TMC5: variants seen among roughly 807,000 people sequenced by gnomAD.
The protein encoded by TMC5 is transmembrane channel like 5.
In TMC5, 86 loss-of-function variants were observed where a neutral mutation model predicts 110.5. That is an observed-to-expected ratio of 0.78 (90% CI 0.65 to 0.93). TMC5 has a LOEUF of 0.93. TMC5 is among the 40% of genes least tolerant of loss of function. TMC5 has a pLI of 0.00. For missense variants in TMC5, 1,144 were observed against 1,222.8 expected (o/e 0.94, Z 0.96); for synonymous variants, 455 against 439.5 (o/e 1.04, Z -0.44).
rs150117198 is a variant in TMC5, at chr16:19,424,334, C to G, written c.-307-6079C>G. Among the ~76,000 whole-genome samples, 35 of 152,294 alleles carry G rather than the reference C, an allele frequency of 2.3e-4. No individual in the cohort carries two copies. The East Asian group carries it at 5.6e-3, about 24-fold the overall frequency. ...ATATTATGGTAACCATATCATATTA[C>G]CCGTAAACCGTATCATATTATAAAG... On this transcript the variant is annotated intron_variant, in intron 1 of 21. Coordinates refer to ENST00000542583, the MANE Select transcript of TMC5 (RefSeq NM_001261841.2).
At chr16:19,437,181 T>C (rs1809591186) in intron 2 of TMC5, among the ~76,000 whole-genome samples, 1 of 151,992 alleles carries the variant, frequency 6.6e-6, no homozygotes, top group South Asian at 2.1e-4. Flanking sequence ...TCTCAAAAAA[T>C]AAAATAAAGT....
intron 14 of TMC5, 92 bp downstream of exon 14, chr16:19,479,620 C>T (rs2143688192): frequency 6.9e-6 from 6 of 870,312 alleles, no homozygotes; most frequent in South Asian, 3.0e-5. Flanking sequence ...GCCTGACATA[C>T]TCAAAGCGTG....
At chr16:19,429,069 G>A (rs1289238542) in intron 1 of TMC5, among the ~76,000 whole-genome samples, 1 of 152,056 alleles carries the variant, frequency 6.6e-6, no homozygotes, top group East Asian at 1.9e-4. Flanking sequence ...CAAGTGATCT[G>A]CCCATCTCAG....
At chr16:19,433,592 T>G (rs1967238668) in intron 2 of TMC5, among the ~76,000 whole-genome samples, 1 of 152,112 alleles carries the variant, frequency 6.6e-6, no homozygotes, top group African/African-American at 2.4e-5. Context: ...TGATAAATTA[T>G]TTTCAGAAAT....
In TMC5 at chr16:19,474,211, C is replaced by A; in HGVS notation, c.2025C>A (p.Tyr675Ter). The A allele has an allele frequency of 6.2e-7, 1 of 1,614,122 alleles. No individual in the cohort carries two copies. Among genetic ancestry groups the A allele is most frequent in the Non-Finnish European group, 8.5e-7 (1 of 1,180,022 alleles). ...SCINLAVPCI[Y>*]SMFRLVERYE... Reference sequence around the variant, plus strand: ...TTAATCTGGCCGTGCCATGCATCTACTCCATGTTCAGGCTTGTGGAGAGGT... The same window carrying A: ...TTAATCTGGCCGTGCCATGCATCTAATCCATGTTCAGGCTTGTGGAGAGGT... Residue 675 changes from tyrosine (Y) to a stop codon, truncating the protein, a stop_gained, in exon 12 of 22, where the codon TAC (tyrosine) becomes TAA (stop). Transcript: ENST00000542583. LOFTEE classifies it high-confidence loss of function.
upstream of TMC5, among the ~76,000 whole-genome samples, chr16:19,412,937 C>T (rs1455191252): frequency 2.6e-5 from 4 of 152,114 alleles, no homozygotes; most frequent in South Asian, 4.1e-4. Flanking sequence ...CTTAAAGTCA[C>T]GGCTCAAGCG....
In TMC5 at chr16:19,493,465, C is replaced by CTCTCTGTCT. The variant is rs71375644; in HGVS notation, c.2827-796_2827-795insCTCTGTCTT. 2.6e-3 allele frequency among the ~76,000 whole-genome samples: 194 copies of CTCTCTGTCT among 74,816 alleles called. 1 individual carries two copies. Among genetic ancestry groups the CTCTCTGTCT allele is most frequent in the East Asian group, 0.025 (90 of 3,588 alleles). The allele number at this position is 74,816 out of a possible 152,430, so 49.1% of individuals were successfully genotyped here. On this transcript the variant is annotated intron_variant, in intron 19 of 21. Coordinates refer to ENST00000542583, the MANE Select transcript of TMC5 (RefSeq NM_001261841.2). The stretch of plus-strand genomic sequence containing the variant: ...TTAATGTCTCTCTCTCTCTCTCTCT[C>CTCTCTGTCT]TTTTTTTTTTTTTGAGACAGAATCT...
At chr16:19,413,080 G>A (rs1264482381), upstream of TMC5, among the ~76,000 whole-genome samples, 1 of 151,938 alleles carries the variant, frequency 6.6e-6, no homozygotes, top group East Asian at 1.9e-4. Flanking sequence ...CTGGCCTCAA[G>A]CAATCATCCT....
At chr16:19,495,029 T>A (rs1366707092) in intron 20 of TMC5, among the ~76,000 whole-genome samples, 67 of 56,086 alleles carry the variant, frequency 1.2e-3, no homozygotes, top group South Asian at 2.9e-3. Context: ...TTTTTTTTTT[T>A]TTTGAGACGG....
chr16:19,420,386 C>G (rs1045557363), intron 1 of TMC5, among the ~76,000 whole-genome samples: 1 of 151,766 alleles, frequency 6.6e-6, no homozygotes, highest in Non-Finnish European at 1.5e-5. Flanking sequence ...TGAGATCATG[C>G]CACTGCACTC....
intron 1 of TMC5, among the ~76,000 whole-genome samples, chr16:19,429,205 T>G (rs1329081228): frequency 1.3e-5 from 2 of 152,150 alleles, no homozygotes; most frequent in Non-Finnish European, 2.9e-5. Context: ...ATAGGCCTCA[T>G]TTTCTTAGGC....
Position 19,434,392 on chromosome 16 carries a change from TATA to T in TMC5, c.-80+3756_-80+3758del, listed in dbSNP as rs1438818117. On this transcript the variant is annotated intron_variant, in intron 2 of 21. Coordinates refer to ENST00000542583, the MANE Select transcript of TMC5 (RefSeq NM_001261841.2). ...AATATAGATCTATATATAATATAGATATAATATATATATCATATATATCTATAT... is the reference window on the plus strand; with the variant it reads ...AATATAGATCTATATATAATATAGATATATATATATCATATATATCTATAT... Among the ~76,000 whole-genome samples the T allele has an allele frequency of 2.9e-3, 19 of 6,550 alleles. 2 individuals are homozygous for T. In the South Asian group the frequency reaches 0.15, roughly 51 times the overall value. The allele number at this position is 6,550 out of a possible 152,430, so 4.3% of individuals were successfully genotyped here. A position where few individuals can be genotyped will look rare whatever the true frequency, so the allele number is the denominator to read the frequency against.
intron 11 of TMC5, among the ~76,000 whole-genome samples, chr16:19,472,784 G>A (rs915611880): frequency 1.3e-5 from 2 of 152,190 alleles, no homozygotes; most frequent in Admixed American, 1.3e-4. Context: ...GGAGGGAGCC[G>A]CATTGGAACC....
At chr16:19,456,634 T>G in intron 5 of TMC5, 4 of 1,542,840 alleles carry the variant, frequency 2.6e-6, no homozygotes, top group Non-Finnish European at 3.5e-6. Context: ...TCCCAATCAA[T>G]GCGGGTGTGA....
Position 19,451,071 on chromosome 16 carries a change from C to T in TMC5, c.1048+1440C>T, listed in dbSNP as rs1220974896. Among the ~76,000 whole-genome samples, 4 of 152,268 alleles carry T rather than the reference C, an allele frequency of 2.6e-5. No individual in the cohort carries two copies. In the East Asian group the frequency reaches 7.7e-4, roughly 29 times the overall value. On this transcript the variant is annotated intron_variant, in intron 5 of 21. Transcript: ENST00000542583. ...ATTGCTTGAGCCTGGGAGGTTGAGG[C>T]TGCAGTGAGCTGTGATCACGCCATT...
At chr16:19,456,283 CAT>C (rs921128891) in intron 5 of TMC5, among the ~76,000 whole-genome samples, 4 of 149,298 alleles carry the variant, frequency 2.7e-5, no homozygotes, top group Admixed American at 2.0e-4. Flanking sequence ...ATATTTAGAA[CAT>C]ATATATATGT....
At chr16:19,447,429 G>A (rs1262948629) in intron 4 of TMC5, among the ~76,000 whole-genome samples, 1 of 152,146 alleles carries the variant, frequency 6.6e-6, no homozygotes, top group Non-Finnish European at 1.5e-5. Flanking sequence ...AGTCAAGGTA[G>A]GGGAAATGTA....
intron 18 of TMC5, among the ~76,000 whole-genome samples, 192 bp downstream of exon 18, chr16:19,490,760 T>TTCCTTCCTTCCC (rs902892521): frequency 3.5e-4 from 18 of 51,292 alleles, no homozygotes; most frequent in African/African-American, 6.6e-4. Flanking sequence ...CCTTCCTTCC[T>TTCCTTCCTTCCC]TCCCTTCCTT....
At chr16:19,446,107 G>T (rs1967609577) in intron 4 of TMC5, among the ~76,000 whole-genome samples, 1 of 143,692 alleles carries the variant, frequency 7.0e-6, no homozygotes, top group Non-Finnish European at 1.5e-5. Flanking sequence ...GGTGGAGGGG[G>T]AGAGAGGGAA....
Sources: gnomAD v4.1 joint callset for allele counts (sites outside exome capture counted in the v4.1 genomes callset) on GRCh38, gnomAD v4.1.1 for gene constraint, MANE v1.5 for transcripts, NCBI Gene and HGNC (gene_info 2026-07-23, HGNC 2026-07-21) for gene names.